RRP1: variants seen among roughly 807,000 people sequenced by gnomAD.
RRP1 encodes the protein ribosomal RNA processing protein 1 homolog A.
RRP1 carries 37 observed loss-of-function variants against 54.6 expected under a neutral mutation model. The ratio of observed to expected loss-of-function variants is 0.68; its 90% CI spans 0.52 to 0.89. The LOEUF (loss-of-function observed/expected upper bound fraction) is 0.89. Ranked by LOEUF, RRP1 falls within the 40% of genes least tolerant of loss-of-function variation. RRP1 has a pLI of 0.00. For synonymous variants in RRP1, 262 were observed against 244.3 expected (o/e 1.07, Z -0.67); for missense variants, 639 against 612.5 (o/e 1.04, Z -0.46).
rs988228931 is a variant in RRP1 at position 43,797,543 on chromosome 21, G to A, written c.544G>A (p.Ala182Thr). ...CCTGGAGGAGCTGACCAAAGTGGGC[G>A]CCGAGGAGGTGAGGCTGGGCTCCGA... is the stretch of plus-strand genomic sequence containing the variant. ...IFLEELTKVG[A>T]EELTADQNLK... Residue 182 changes from alanine to threonine, a missense_variant, in exon 6 of 13, where the codon GCC becomes ACC. Physicochemically the swap from Ala to Thr is moderately conservative, Grantham distance 58. Transcript: ENST00000497547. The A allele has an allele frequency of 3.5e-5, 56 of 1,613,846 alleles. No homozygotes were observed. Among genetic ancestry groups the A allele is most frequent in the Non-Finnish European group, 4.4e-5 (52 of 1,179,896 alleles).
intron 12 of RRP1, among the ~76,000 whole-genome samples, chr21:43,802,674 G>C (rs774645504): frequency 2.0e-5 from 3 of 152,048 alleles, no homozygotes; most frequent in Admixed American, 6.5e-5. Context: ...GCCTCCTTCC[G>C]TGCCTCCGTC....
chr21:43,801,378 A>G (rs964206577), intron 11 of RRP1, among the ~76,000 whole-genome samples: 2 of 152,232 alleles, frequency 1.3e-5, no homozygotes, highest in Non-Finnish European at 2.9e-5. Context: ...CTCCAGCATC[A>G]GCACTTCCTG....
rs769506716 is a variant in RRP1 at position 43,797,412 on chromosome 21, C to CT, written c.423-7dup. The CT allele has an allele frequency of 2.5e-6, 4 of 1,603,574 alleles. No homozygotes were observed. The highest frequency in any genetic ancestry group is 3.4e-6 in the Non-Finnish European group (4 of 1,176,664). Reference sequence around the variant, plus strand: ...AGGCTGCCTGTCATGTTTGCTTTTTCTTTCCTCAGACAGATCGAGGAGCTG... The same window carrying CT: ...AGGCTGCCTGTCATGTTTGCTTTTTCTTTTCCTCAGACAGATCGAGGAGCTG... On this transcript the variant is annotated splice_polypyrimidine_tract_variant and intron_variant, in intron 5 of 12. Transcript: ENST00000497547.
intron 1 of RRP1, chr21:43,791,079 A>T (rs2084952107): frequency 1.8e-6 from 1 of 565,268 alleles, no homozygotes; most frequent in South Asian, 1.5e-5. Flanking sequence ...GAATTTCCAA[A>T]ATGGAGTATG....
intron 8 of RRP1, among the ~76,000 whole-genome samples, chr21:43,798,852 C>T (rs1293871941): frequency 6.6e-6 from 1 of 152,136 alleles, no homozygotes; most frequent in Non-Finnish European, 1.5e-5. Flanking sequence ...CCCAGTATGC[C>T]CCAAATCAGT....
chr21:43,800,166 G>T (rs2085070595), intron 9 of RRP1, among the ~76,000 whole-genome samples: 1 of 147,274 alleles, frequency 6.8e-6, no homozygotes, highest in African/African-American at 2.4e-5. Flanking sequence ...GGTTAAAATT[G>T]ATCAATTTAA....
intron 5 of RRP1, among the ~76,000 whole-genome samples, chr21:43,795,948 T>G (rs1230550327): frequency 6.6e-6 from 1 of 152,172 alleles, no homozygotes; most frequent in Non-Finnish European, 1.5e-5. Flanking sequence ...GAGACCATCC[T>G]GGCCACCATG....
intron 11 of RRP1, among the ~76,000 whole-genome samples, chr21:43,801,919 C>CT (rs1395345610): frequency 6.6e-6 from 1 of 152,132 alleles, no homozygotes; most frequent in Non-Finnish European, 1.5e-5. Context: ...GCAGTGTTTT[C>CT]TGTTTGGGGT....
chr21:43,797,812 C>A, intron 7 of RRP1, 95 bp from the exon 8 acceptor site: 1 of 1,562,462 alleles, frequency 6.4e-7, no homozygotes, highest in Non-Finnish European at 8.8e-7. Flanking sequence ...GGCCGCTGGC[C>A]GTGTGGGTGG....
At position 43,795,169 on chromosome 21, in the gene RRP1, A is replaced by G; in HGVS notation, c.361-20A>G. ...GTAGGGCTGGGCTTCTGCTAATGCC[A>G]ACCTCCTTCTGTGTCAAAGCTCATG... is the stretch of plus-strand genomic sequence containing the variant. On this transcript the variant is annotated intron_variant, in intron 4 of 12. Transcript: ENST00000497547. 6.2e-7 allele frequency: 1 copy of G among 1,613,076 alleles called. No homozygotes were observed. Among genetic ancestry groups the G allele is most frequent in the Non-Finnish European group, 8.5e-7 (1 of 1,179,148 alleles).
intron 11 of RRP1, among the ~76,000 whole-genome samples, chr21:43,801,951 C>CTG (rs377161552): frequency 6.6e-6 from 1 of 152,206 alleles, no homozygotes; most frequent in Non-Finnish European, 1.5e-5. Flanking sequence ...GGCTGTTGAA[C>CTG]TGGTGAATAT....
chr21:43,796,061 G>A (rs559055632), intron 5 of RRP1, among the ~76,000 whole-genome samples: 1 of 152,140 alleles, frequency 6.6e-6, no homozygotes, highest in South Asian at 2.1e-4. Flanking sequence ...GAGCCCAGGA[G>A]TTTGAGGCTG....
rs2085043992 is a variant in RRP1, at chr21:43,798,153, C to T, written c.811+53C>T. Reference sequence around the variant, plus strand: ...CCTCGGGGCCTGTCCTGGGCTGAGCCAGTGCGATCTCCTGCTGGGTTGCTC... The same window carrying T: ...CCTCGGGGCCTGTCCTGGGCTGAGCTAGTGCGATCTCCTGCTGGGTTGCTC... On this transcript the variant is annotated intron_variant, in intron 8 of 12. Coordinates refer to ENST00000497547, the MANE Select transcript of RRP1 (RefSeq NM_003683.6). 5 of 1,485,404 alleles carry T rather than the reference C, an allele frequency of 3.4e-6. No individual in the cohort carries two copies. In the Admixed American group the frequency reaches 1.1e-4, roughly 32 times the overall value. 92.0% of individuals were successfully genotyped at this position (1,485,404 alleles called of 1,614,324 possible).
rs547026072 is a variant in RRP1 at position 43,789,725 on chromosome 21, C to G, written c.96C>G (p.Leu32=). 57 of 1,543,006 alleles carry G rather than the reference C, an allele frequency of 3.7e-5. No individual in the cohort carries two copies. The South Asian group carries it at 5.9e-4, about 16-fold the overall frequency. Residue 32 remains leucine, a synonymous_variant, in exon 1 of 13, where the codon CTC becomes CTG. Transcript: ENST00000497547. The part of the protein sequence containing the change: ...QVTRDRAVRK[L]RKYIVARTQR... ...CCCGGGACCGGGCGGTGAGGAAGCT[C>G]CGGAAATACATCGTCGCCAGGACTC...
chr21:43,792,076 C>G (rs562161111), intron 2 of RRP1, among the ~76,000 whole-genome samples: 1 of 152,344 alleles, frequency 6.6e-6, no homozygotes, highest in South Asian at 2.1e-4. Flanking sequence ...TCCTGCTAGC[C>G]TTTTCCAAAC....
At chr21:43,793,218 CT>C in intron 3 of RRP1, 100 bp from the exon 4 acceptor site, 4 of 1,003,670 alleles carry the variant, frequency 4.0e-6, no homozygotes, top group Non-Finnish European at 6.2e-6. Flanking sequence ...CATTTTTTAT[CT>C]ATAGCTATGT....
chr21:43,797,373 C>T, intron 5 of RRP1, 49 bp from the exon 6 acceptor site: 1 of 1,576,348 alleles, frequency 6.3e-7, no homozygotes, highest in Non-Finnish European at 8.6e-7. Context: ...GCACGGCTGT[C>T]TTGGGGCTCA....
rs2085039584 is a variant in RRP1, at chr21:43,797,889, C to G, written c.618-18C>G. The G allele has an allele frequency of 6.8e-6, 11 of 1,608,064 alleles. No individual in the cohort carries two copies. The East Asian group carries it at 2.5e-4, about 36-fold the overall frequency. On this transcript the variant is annotated intron_variant, in intron 7 of 12. Coordinates refer to ENST00000497547, the MANE Select transcript of RRP1 (RefSeq NM_003683.6). ...CAGCATAACGGGCCTGCTCACCGGC[C>G]TCTGCTCTGCCCCTCAGTTCCTTGG...
chr21:43,791,452 G>C lies in RRP1; in HGVS notation c.216+20G>C. 6.2e-7 allele frequency: 1 copy of C among 1,612,050 alleles called. No individual in the cohort carries two copies. On this transcript the variant is annotated intron_variant, in intron 2 of 12. Transcript: ENST00000497547. ...CTCCAGGTGAGTGGGGGGAGCAGCA[G>C]AGCAGGTACAGAAGCAGCGGGGGAG...
Sources: allele counts gnomAD v4.1 joint callset (sites outside exome capture counted in the v4.1 genomes callset), GRCh38; gene constraint gnomAD v4.1.1; transcripts MANE v1.5; gene names NCBI Gene and HGNC (gene_info 2026-07-23, HGNC 2026-07-21).